KIAA0319L: variants seen among roughly 807,000 people sequenced by gnomAD.
The protein encoded by KIAA0319L is KIAA0319 like, also known as dyslexia-associated protein KIAA0319-like protein.
A neutral mutation model predicts 120.1 loss-of-function variants in KIAA0319L; 55 were observed. The observed-to-expected ratio is 0.46, with a 90% CI of 0.37 to 0.57. The LOEUF (loss-of-function observed/expected upper bound fraction) is 0.57, where lower values mean the gene tolerates loss of function less well. KIAA0319L is among the 20% of genes least tolerant of loss of function. The probability of loss-of-function intolerance (pLI) is 0.00; values close to 1 mark genes in which losing one functional copy is unlikely to be tolerated. For missense variants in KIAA0319L, 1,049 were observed against 1,255.3 expected (o/e 0.84, Z 2.48); for synonymous variants, 398 against 471.9 (o/e 0.84, Z 2.03).
chr1:35,461,587 T>C (rs1394198789), intron 8 of KIAA0319L, among the ~76,000 whole-genome samples: 1 of 152,274 alleles, frequency 6.6e-6, no homozygotes, highest in African/African-American at 2.4e-5. Flanking sequence ...TTCTTATATA[T>C]GTATAAAATA....
chr1:35,539,996 T>C (rs1450413577), intron 2 of KIAA0319L, among the ~76,000 whole-genome samples: 1 of 152,224 alleles, frequency 6.6e-6, no homozygotes, highest in Non-Finnish European at 1.5e-5. Flanking sequence ...TAAGCATACA[T>C]TTATTTCAAA....
At chr1:35,515,883 G>A (rs969366157) in intron 2 of KIAA0319L, among the ~76,000 whole-genome samples, 10 of 151,776 alleles carry the variant, frequency 6.6e-5, no homozygotes, top group Admixed American at 1.3e-4. Context: ...ACCACTGACC[G>A]CCCAGAAATA....
chr1:35,514,145 G>A (rs1004657383), intron 2 of KIAA0319L, among the ~76,000 whole-genome samples: 1 of 151,968 alleles, frequency 6.6e-6, no homozygotes, highest in African/African-American at 2.4e-5. Context: ...GCAACTTAAC[G>A]ACTATCATTA....
rs751952765 is a variant in KIAA0319L, at chr1:35,479,024, G to A, written c.855C>T (p.Tyr285=). 4 of 1,614,108 alleles carry A rather than the reference G, an allele frequency of 2.5e-6. No individual in the cohort carries two copies. Among genetic ancestry groups the A allele is most frequent in the African/African-American group, 2.7e-5 (2 of 75,044 alleles). The change falls in exon 4 of 21, where the codon TAC becomes TAT. Residue 285 remains tyrosine (Y), a synonymous_variant. Coordinates refer to ENST00000325722, the MANE Select transcript of KIAA0319L (RefSeq NM_024874.5). ...CCTGGGGGGTAGGGGTAGCATAACT[G>A]TAGGAGGGAGCCACTGGCTGGGGGA... ...IAVPQPVAPS[Y]SYATPTPQAS...
intron 2 of KIAA0319L, among the ~76,000 whole-genome samples, chr1:35,511,879 T>G (rs1645460515): frequency 6.6e-6 from 1 of 152,180 alleles, no homozygotes; most frequent in Non-Finnish European, 1.5e-5. Context: ...ATAACTTAAG[T>G]GGAAAAAGCA....
At chr1:35,505,718 A>C (rs1429884973) in intron 3 of KIAA0319L, among the ~76,000 whole-genome samples, 2 of 152,196 alleles carry the variant, frequency 1.3e-5, no homozygotes, top group Non-Finnish European at 2.9e-5. Context: ...TTAATATTAA[A>C]TCTGGGTTCC....
intron 3 of KIAA0319L, among the ~76,000 whole-genome samples, chr1:35,502,338 AGATT>A (rs1158229138): frequency 2.0e-5 from 3 of 151,958 alleles, no homozygotes; most frequent in Non-Finnish European, 4.4e-5. Flanking sequence ...TTTGCTGTAT[AGATT>A]AAGAGTTAAT....
chr1:35,555,997 AG>A (rs1267062771), intron 1 of KIAA0319L, among the ~76,000 whole-genome samples: 3 of 152,230 alleles, frequency 2.0e-5, no homozygotes, highest in African/African-American at 7.2e-5. Context: ...TAATTGCCTA[AG>A]GGCACAAATC....
At chr1:35,463,292 C>T (rs1363340265) in intron 7 of KIAA0319L, among the ~76,000 whole-genome samples, 1 of 152,172 alleles carries the variant, frequency 6.6e-6, no homozygotes, top group African/African-American at 2.4e-5. Context: ...AAGACCATGC[C>T]CTGTGTATTC....
At chr1:35,538,473 C>G (rs1359439322) in intron 2 of KIAA0319L, among the ~76,000 whole-genome samples, 1 of 151,700 alleles carries the variant, frequency 6.6e-6, no homozygotes, top group African/African-American at 2.4e-5. Flanking sequence ...TACCTATAGT[C>G]CCAGCTACTC....
At chr1:35,534,211 T>C (rs558840942) in intron 2 of KIAA0319L, among the ~76,000 whole-genome samples, 5 of 152,236 alleles carry the variant, frequency 3.3e-5, no homozygotes, top group Non-Finnish European at 7.3e-5. Context: ...TTTAAATGTA[T>C]GGTGTAGATG....
At chr1:35,495,695 C>G (rs1301648514) in intron 3 of KIAA0319L, among the ~76,000 whole-genome samples, 1 of 151,950 alleles carries the variant, frequency 6.6e-6, no homozygotes, top group Non-Finnish European at 1.5e-5. Flanking sequence ...CTCTGTCACC[C>G]AGGCTAGAGT....
intron 16 of KIAA0319L, among the ~76,000 whole-genome samples, chr1:35,447,573 T>TC (rs1466064289): frequency 6.6e-6 from 1 of 150,820 alleles, no homozygotes; most frequent in Non-Finnish European, 1.5e-5. Flanking sequence ...CCTTTTTTTT[T>TC]CTTTTTTTTT....
At chr1:35,502,854 C>T (rs1645058845) in intron 3 of KIAA0319L, among the ~76,000 whole-genome samples, 1 of 152,182 alleles carries the variant, frequency 6.6e-6, no homozygotes, top group African/African-American at 2.4e-5. Context: ...TTCCATACCT[C>T]ATTTTCCTTC....
In KIAA0319L at chr1:35,557,351, C is replaced by G. The variant is rs1648267486; in HGVS notation, c.-173G>C. The G allele has an allele frequency of 7.0e-6, 2 of 286,492 alleles. No individual in the cohort carries two copies. The highest frequency in any genetic ancestry group is 2.7e-5 in the South Asian group (1 of 37,562). 17.7% of individuals were successfully genotyped at this position (286,492 alleles called of 1,614,324 possible). A position where few individuals can be genotyped will look rare whatever the true frequency, so the allele number is the denominator to read the frequency against. On this transcript the variant is annotated 5_prime_UTR_variant, in exon 1 of 21. Coordinates refer to ENST00000325722, the MANE Select transcript of KIAA0319L (RefSeq NM_024874.5). ...AAGAAGGTAGTGCGGGCTCCCCACC[C>G]GGACAGCTACCTCTCGCCTCAGCCT...
intron 10 of KIAA0319L, chr1:35,454,807 T>G: frequency 8.3e-6 from 2 of 240,340 alleles, no homozygotes; most frequent in Non-Finnish European, 1.6e-5. Flanking sequence ...CCAGAAAGAA[T>G]ACCGTGAACA....
chr1:35,454,285 A>G (rs1042823217), intron 11 of KIAA0319L, 77 bp downstream of exon 11: 1 of 1,532,876 alleles, frequency 6.5e-7, no homozygotes, highest in East Asian at 2.3e-5. Flanking sequence ...CATACAGCTC[A>G]GAACCCAACA....
At chr1:35,480,061 AG>A (rs1174051853) in intron 3 of KIAA0319L, among the ~76,000 whole-genome samples, 1 of 151,966 alleles carries the variant, frequency 6.6e-6, no homozygotes, top group Non-Finnish European at 1.5e-5. Flanking sequence ...TTAAAGAAAA[AG>A]GCTTCCTGAA....
At chr1:35,459,254 A>C (rs576573080) in intron 9 of KIAA0319L, among the ~76,000 whole-genome samples, 1 of 152,276 alleles carries the variant, frequency 6.6e-6, no homozygotes, top group African/African-American at 2.4e-5. Flanking sequence ...AGTATGAACA[A>C]AATACATGGA....
Sources: allele counts gnomAD v4.1 joint callset (sites outside exome capture counted in the v4.1 genomes callset), GRCh38; gene constraint gnomAD v4.1.1; transcripts MANE v1.5; gene names NCBI Gene and HGNC (gene_info 2026-07-23, HGNC 2026-07-21).